The following HCN1 variants were observed in gnomAD, a reference collection of about 807,000 sequenced individuals.
HCN1 encodes the protein hyperpolarization activated cyclic nucleotide gated potassium channel 1, also known as potassium/sodium hyperpolarization-activated cyclic nucleotide-gated channel 1.
HCN1 carries 13 observed loss-of-function variants against 78.9 expected under a neutral mutation model. The observed-to-expected ratio is 0.16, with a 90% CI of 0.11 to 0.26. HCN1 has a LOEUF of 0.26. Ranked by LOEUF, HCN1 falls within the 10% of genes least tolerant of loss-of-function variation. HCN1 has a pLI of 1.00. For missense variants in HCN1, 810 were observed against 1,154.3 expected (o/e 0.70, Z 4.32); for synonymous variants, 552 against 455.5 (o/e 1.21, Z -2.70).
intron 5 of HCN1, among the ~76,000 whole-genome samples, chr5:45,340,648 GT>G (rs376304053): frequency 0.025 from 3,720 of 147,360 alleles, 165 homozygotes; most frequent in African/African-American, 0.087. Flanking sequence ...TGTTGATAGA[GT>G]TTTTTTTTTT....
chr5:45,528,839 T>C (rs1006683579), intron 2 of HCN1, among the ~76,000 whole-genome samples: 60 of 151,932 alleles, frequency 3.9e-4, no homozygotes, highest in South Asian at 2.1e-4. Flanking sequence ...ATTGAAAGTA[T>C]ATGTTCTAAA....
intron 2 of HCN1, among the ~76,000 whole-genome samples, chr5:45,628,573 A>T (rs1462254764): frequency 6.6e-6 from 1 of 152,268 alleles, no homozygotes; most frequent in African/African-American, 2.4e-5. Flanking sequence ...ATTAAAATAT[A>T]AATGATTTTA....
chr5:45,528,749 G>T (rs143604594), intron 2 of HCN1, among the ~76,000 whole-genome samples: 2 of 151,928 alleles, frequency 1.3e-5, no homozygotes, highest in African/African-American at 4.8e-5. Context: ...TATGAACTCT[G>T]ACAAGATAAT....
At chr5:45,359,098 C>G (rs1747062936) in intron 4 of HCN1, among the ~76,000 whole-genome samples, 1 of 152,006 alleles carries the variant, frequency 6.6e-6, no homozygotes, top group Admixed American at 6.6e-5. Context: ...GACTCCTGTA[C>G]ATACATGTGC....
intron 6 of HCN1, among the ~76,000 whole-genome samples, chr5:45,268,633 T>C (rs1744904778): frequency 6.6e-6 from 1 of 152,200 alleles, no homozygotes; most frequent in Non-Finnish European, 1.5e-5. Context: ...GAAGGACACG[T>C]GAACCAGTCT....
chr5:45,313,711 G>C (rs1579802171), intron 5 of HCN1, among the ~76,000 whole-genome samples: 2 of 152,118 alleles, frequency 1.3e-5, no homozygotes, highest in Non-Finnish European at 2.9e-5. Flanking sequence ...CGAGAACTAA[G>C]GGACGAATGC....
intron 3 of HCN1, among the ~76,000 whole-genome samples, chr5:45,438,639 C>G (rs375722651): frequency 2.0e-5 from 3 of 150,332 alleles, no homozygotes; most frequent in East Asian, 3.9e-4. Flanking sequence ...ACAACAACAA[C>G]AAAAACAACA....
intron 2 of HCN1, among the ~76,000 whole-genome samples, chr5:45,525,912 G>A (rs776080294): frequency 6.6e-5 from 10 of 151,934 alleles, no homozygotes; most frequent in Non-Finnish European, 1.5e-4. Flanking sequence ...AGGTGATAGA[G>A]CCCTCATAAT....
rs112344318 is a variant in HCN1 at position 45,379,690 on chromosome 5, A to G, written c.1230+16802T>C. ...TATAAGATCTATGAGGAAAGCTTAGACTAACAAATATTTTCATGGAATGCA... is the reference window on the plus strand; with the variant it reads ...TATAAGATCTATGAGGAAAGCTTAGGCTAACAAATATTTTCATGGAATGCA... On this transcript the variant is annotated intron_variant, in intron 4 of 7. Coordinates refer to ENST00000303230, the MANE Select transcript of HCN1 (RefSeq NM_021072.4). Among the ~76,000 whole-genome samples the G allele has an allele frequency of 1.7e-4, 26 of 152,256 alleles. 1 individual carries two copies. Among genetic ancestry groups the G allele is most frequent in the African/African-American group, 6.0e-4 (25 of 41,580 alleles).
At chr5:45,657,123 T>C (rs1745780984) in intron 1 of HCN1, among the ~76,000 whole-genome samples, 1 of 152,186 alleles carries the variant, frequency 6.6e-6, no homozygotes, top group African/African-American at 2.4e-5. Context: ...GACCAACATT[T>C]GCTGTGGAAT....
At chr5:45,404,690 T>A in intron 3 of HCN1, among the ~76,000 whole-genome samples, 1 of 74,690 alleles carries the variant, frequency 1.3e-5, no homozygotes, top group Non-Finnish European at 2.7e-5. Context: ...GAAGGGCTAT[T>A]TGCAAAAAAA....
intron 3 of HCN1, among the ~76,000 whole-genome samples, chr5:45,417,406 G>A (rs971990985): frequency 9.9e-5 from 15 of 151,916 alleles, no homozygotes; most frequent in Non-Finnish European, 1.9e-4. Context: ...TAAGGGTAGA[G>A]TCTATAGTTT....
chr5:45,497,851 G>A (rs60002805), intron 2 of HCN1, among the ~76,000 whole-genome samples: 1 of 152,100 alleles, frequency 6.6e-6, no homozygotes, highest in Non-Finnish European at 1.5e-5. Context: ...ATGAAGCTTA[G>A]TGTGGCTGGA....
chr5:45,301,769 G>A (rs1369949109), intron 6 of HCN1, among the ~76,000 whole-genome samples: 2 of 148,238 alleles, frequency 1.3e-5, no homozygotes, highest in Admixed American at 1.4e-4. Flanking sequence ...TTATTTCCCA[G>A]TGTGTAAAAC....
intron 2 of HCN1, among the ~76,000 whole-genome samples, chr5:45,622,024 T>C (rs1372955326): frequency 6.6e-6 from 1 of 151,924 alleles, no homozygotes; most frequent in Non-Finnish European, 1.5e-5. Context: ...ATCGAGACCA[T>C]CCTGGCTAAC....
intron 1 of HCN1, among the ~76,000 whole-genome samples, chr5:45,658,044 AG>A (rs774080854): frequency 6.6e-6 from 1 of 152,242 alleles, no homozygotes; most frequent in African/African-American, 2.4e-5. Context: ...CAAAACAGAT[AG>A]ATCAATGGAA....
intron 2 of HCN1, among the ~76,000 whole-genome samples, chr5:45,527,141 G>A (rs1331886940): frequency 7.4e-6 from 1 of 135,902 alleles, no homozygotes; most frequent in Non-Finnish European, 1.6e-5. Context: ...CTATTCTTTT[G>A]AGCCCAGAAA....
intron 6 of HCN1, among the ~76,000 whole-genome samples, chr5:45,295,418 A>C (rs933831568): frequency 6.6e-6 from 1 of 152,054 alleles, no homozygotes; most frequent in Non-Finnish European, 1.5e-5. Context: ...TCTCACACTT[A>C]TATTTGGTTC....
At chr5:45,367,950 G>A (rs1747268797) in intron 4 of HCN1, among the ~76,000 whole-genome samples, 1 of 151,848 alleles carries the variant, frequency 6.6e-6, no homozygotes, top group Non-Finnish European at 1.5e-5. Flanking sequence ...TGGCTGTTAT[G>A]GGTTATGCAA....
Sources: allele counts gnomAD v4.1 joint callset (sites outside exome capture counted in the v4.1 genomes callset), GRCh38; gene constraint gnomAD v4.1.1; transcripts MANE v1.5; gene names NCBI Gene and HGNC (gene_info 2026-07-23, HGNC 2026-07-21).